The following MARF1 variants were observed in gnomAD, a reference collection of about 807,000 sequenced individuals.
MARF1 encodes meiosis regulator and mRNA stability factor 1, also known as limkain-b1.
Under a neutral mutation model 168.2 loss-of-function variants are expected in MARF1, and 24 were observed. The ratio of observed to expected loss-of-function variants is 0.14; its 90% confidence interval spans 0.10 to 0.20. The LOEUF (loss-of-function observed/expected upper bound fraction) is 0.20. Among genes scored for constraint, MARF1 ranks in the 10% least tolerant of loss-of-function variants. The pLI, the probability that MARF1 is intolerant of heterozygous loss-of-function variation, is 1.00. For synonymous variants in MARF1, 868 were observed against 822.4 expected (o/e 1.06, Z -0.95); for missense variants, 1,744 against 2,143.6 (o/e 0.81, Z 3.68).
At chr16:15,612,953 G>C (rs745553568) in intron 16 of MARF1, among the ~76,000 whole-genome samples, 176 bp from the exon 17 acceptor site, 3 of 152,144 alleles carry the variant, frequency 2.0e-5, no homozygotes, top group Non-Finnish European at 4.4e-5. Flanking sequence ...CCAATAACTA[G>C]CTAACTAACT....
chr16:15,601,455 T>C, intron 23 of MARF1: 1 of 226,370 alleles, frequency 4.4e-6, no homozygotes, highest in South Asian at 6.6e-5. Context: ...TCCTCCCTCC[T>C]TACCTGGAGG....
intron 16 of MARF1, among the ~76,000 whole-genome samples, chr16:15,614,562 G>A (rs1448957094): frequency 6.7e-6 from 1 of 149,946 alleles, no homozygotes; most frequent in Admixed American, 6.7e-5. Flanking sequence ...GAGGCGGGCG[G>A]ATCATGAGGT....
At position 15,617,151 on chromosome 16, in the gene MARF1, T is replaced by A; in HGVS notation, c.2978A>T (p.Asp993Val). The A allele has an allele frequency of 6.2e-7, 1 of 1,613,846 alleles. No individual in the cohort carries two copies. The highest frequency in any genetic ancestry group is 1.1e-5 in the South Asian group (1 of 91,036). Residue 993 changes from aspartate (D) to valine (V), a missense_variant, in exon 15 of 27, where the codon GAC becomes GTC. This residue lies in a region of MARF1 where 543 missense variants were observed against 742.1 expected (regional missense o/e 0.73). Transcript: ENST00000396368. Reference protein sequence around the residue: ...KDFSEHEFDPDSYKIPFVILS... With the variant: ...KDFSEHEFDPVSYKIPFVILS... ...AATCACAAAAGGAATCTTGTAAGAG[T>A]CTGGATCAAATTCATGTTCGCTGAA...
At chr16:15,630,284 C>T (rs2035162597) in intron 7 of MARF1, 48 bp downstream of exon 7, 1 of 1,554,534 alleles carries the variant, frequency 6.4e-7, no homozygotes, top group Non-Finnish European at 8.8e-7. Context: ...CTTTCAGCCT[C>T]CACAATGTAA....
intron 13 of MARF1, among the ~76,000 whole-genome samples, chr16:15,618,122 T>C (rs1313306131): frequency 6.6e-6 from 1 of 152,150 alleles, no homozygotes; most frequent in Non-Finnish European, 1.5e-5. Flanking sequence ...GGGCCTCACT[T>C]TTTCCATCTG....
rs2033472279 is a variant in MARF1 at position 15,610,873 on chromosome 16, AG to A, written c.3751+101del. On this transcript the variant is annotated intron_variant, in intron 19 of 26. Coordinates refer to ENST00000396368, the MANE Select transcript of MARF1 (RefSeq NM_014647.4). ...ACACTGTGCTTTCTGTGGAATCTTC[AG>A]GAAGCACGGACAGGGAGGGAAAACC... is the stretch of plus-strand genomic sequence containing the variant. The A allele has an allele frequency of 2.6e-6, 3 of 1,144,354 alleles. No homozygotes were observed. In the East Asian group the frequency reaches 7.4e-5, roughly 28 times the overall value. 70.9% of individuals were successfully genotyped at this position (1,144,354 alleles called of 1,614,324 possible). A position where few individuals can be genotyped will look rare whatever the true frequency, so the allele number is the denominator to read the frequency against.
rs367669313 is a variant in MARF1, at chr16:15,639,174, T to C, written c.60A>G (p.Gln20=). 7 of 1,614,100 alleles carry C rather than the reference T, an allele frequency of 4.3e-6. No individual in the cohort carries two copies. In the East Asian group the frequency reaches 8.9e-5, roughly 21 times the overall value. The change falls in exon 2 of 27, where the codon CAA becomes CAG. Residue 20 remains glutamine (Q), a synonymous_variant. Coordinates refer to ENST00000396368, the MANE Select transcript of MARF1 (RefSeq NM_014647.4). ...SCSRTRGWLQ[Q]DNDAKPWLWK... ...AAAGCCATGGCTTAGCATCATTATC[T>C]TGTTGAAGCCATCCACGTGTTCTAC...
Position 15,630,365 on chromosome 16 carries a change from G to T in MARF1, c.1491C>A (p.Ser497=). The T allele has an allele frequency of 1.2e-6, 2 of 1,604,692 alleles. No homozygotes were observed. Among genetic ancestry groups the T allele is most frequent in the Admixed American group, 1.7e-5 (1 of 58,972 alleles). ...TTAGTGGTAACCTGGGGGGCAAGTC[G>T]GAAATGAACTCTTCAAATCTGATCA... is the stretch of plus-strand genomic sequence containing the variant. ...NELIRFEEFI[S]DLPPRLPLKM... Residue 497 remains serine, a synonymous_variant, in exon 7 of 27, where the codon TCC becomes TCA. Transcript: ENST00000396368.
chr16:15,599,630 C>A (rs916650663), intron 25 of MARF1, among the ~76,000 whole-genome samples: 2 of 152,210 alleles, frequency 1.3e-5, no homozygotes, highest in Non-Finnish European at 2.9e-5. Flanking sequence ...ACAAAATTCT[C>A]ACCTATAACG....
At position 15,635,058 on chromosome 16, in the gene MARF1, A is replaced by G. The variant is rs12935744; in HGVS notation, c.832-127T>C. The stretch of plus-strand genomic sequence containing the variant: ...TTCCACTTGCTAGCCTCTAATAAAA[A>G]GGACTTTCAAATAATCTTTCCAAGA... On this transcript the variant is annotated intron_variant, in intron 3 of 26. Transcript: ENST00000396368. The G allele has an allele frequency of 5.5e-3, 3,950 of 718,042 alleles. 43 individuals carry two copies. Among genetic ancestry groups the G allele is most frequent in the South Asian group, 0.021 (920 of 44,010 alleles). 44.5% of individuals were successfully genotyped at this position (718,042 alleles called of 1,614,324 possible).
chr16:15,621,624 C>T, intron 12 of MARF1, 109 bp downstream of exon 12: 2 of 1,008,066 alleles, frequency 2.0e-6, no homozygotes, highest in Non-Finnish European at 2.9e-6. Context: ...ATTCCACATG[C>T]AATCATCACA....
Position 15,604,438 on chromosome 16 carries a change from G to C in MARF1, c.4183-40C>G, listed in dbSNP as rs760280057. On this transcript the variant is annotated intron_variant, in intron 21 of 26. Coordinates refer to ENST00000396368, the MANE Select transcript of MARF1 (RefSeq NM_014647.4). ...AATTCACACTTTTCAGAGCTCAAGA[G>C]AGACACCCTAGGTTATACCCAACTC... 48 of 1,443,706 alleles carry C rather than the reference G, an allele frequency of 3.3e-5. 1 individual carries two copies. The South Asian group carries it at 5.5e-4, about 17-fold the overall frequency. 89.4% of individuals were successfully genotyped at this position (1,443,706 alleles called of 1,614,324 possible).
In MARF1 at chr16:15,604,236, G is replaced by A; in HGVS notation, c.4345C>T (p.Leu1449Phe). ...ATGAATCCATATTCACAGGGGTTAA[G>A]GGGAGTGTTGTGGGTACTTTCGTAA... ...RHYESTHNTP[L>F]NPCEYGFMTL... Residue 1449 changes from leucine to phenylalanine, a missense_variant, in exon 22 of 27, where the codon CTT (leucine) becomes TTT (phenylalanine). Leu to Phe is a conservative substitution (Grantham distance 22). This residue lies in a region of MARF1 where 74 missense variants were observed against 66.7 expected (regional missense o/e 1.11). Transcript: ENST00000396368. 1 of 1,614,192 alleles carries A rather than the reference G, an allele frequency of 6.2e-7. No individual in the cohort carries two copies. The highest frequency in any genetic ancestry group is 8.5e-7 in the Non-Finnish European group (1 of 1,180,020).
intron 11 of MARF1, 150 bp from the exon 12 acceptor site, chr16:15,622,061 C>A: frequency 1.4e-6 from 1 of 697,326 alleles, no homozygotes; most frequent in Non-Finnish European, 2.3e-6. Flanking sequence ...CTGACCAGGA[C>A]GTAAGAAAGT....
rs146040876 is a variant in MARF1 at position 15,640,600 on chromosome 16, G to T, written c.-58-1309C>A. On this transcript the variant is annotated intron_variant, in intron 1 of 26. Coordinates refer to ENST00000396368, the MANE Select transcript of MARF1 (RefSeq NM_014647.4). ...AGCCCCATCTACTCAGGAGGCTATG[G>T]TGGAAGAATCACCTAAGACTGCGTA... Among the ~76,000 whole-genome samples, 391 of 152,320 alleles carry T rather than the reference G, an allele frequency of 2.6e-3. 5 individuals are homozygous for T. The highest frequency in any genetic ancestry group is 8.8e-3 in the African/African-American group (364 of 41,584).
At chr16:15,608,190 TAAAG>T in intron 21 of MARF1, 97 bp downstream of exon 21, 1 of 710,994 alleles carries the variant, frequency 1.4e-6, no homozygotes. Context: ...AAGGTGTAAA[TAAAG>T]AAACGCTACA....
At position 15,596,886 on chromosome 16, in the gene MARF1, T is replaced by C; in HGVS notation, c.5036A>G (p.Lys1679Arg). The change falls in exon 27 of 27, where the codon AAG becomes AGG. Residue 1679 changes from lysine to arginine, a missense_variant. By Grantham distance (26) the Lys-to-Arg change is conservative. Transcript: ENST00000396368. ...EEKMEIPIPGKSKTLTSDSSS... is the reference protein window; with the variant it reads ...EEKMEIPIPGRSKTLTSDSSS... ...GGAGTCAGAGGTCAGAGTTTTGCTC[T>C]TTCCTGGTATTGGAATCTCCATTTT... 1 of 1,613,192 alleles carries C rather than the reference T, an allele frequency of 6.2e-7. No individual in the cohort carries two copies.
chr16:15,598,772 C>A (rs568895318), intron 26 of MARF1, 82 bp downstream of exon 26: 6 of 1,372,836 alleles, frequency 4.4e-6, no homozygotes, highest in Non-Finnish European at 3.1e-6. Flanking sequence ...TTCCCACCTC[C>A]GTCATTTACT....
intron 16 of MARF1, among the ~76,000 whole-genome samples, chr16:15,614,481 CAAA>C (rs59862823): frequency 8.4e-5 from 4 of 47,662 alleles, no homozygotes; most frequent in Non-Finnish European, 7.8e-5. Flanking sequence ...GACTCCGTCT[CAAA>C]AAAAAAAAAA....
Sources: gnomAD v4.1 joint callset for allele counts (sites outside exome capture counted in the v4.1 genomes callset) on GRCh38, gnomAD v4.1.1 for gene constraint, gnomAD v4.1.1 regional missense constraint, MANE v1.5 for transcripts, NCBI Gene and HGNC (gene_info 2026-07-23, HGNC 2026-07-21) for gene names.